Variants in ADARB2 observed in about 807,000 individuals in gnomAD.
ADARB2 encodes adenosine deaminase RNA specific B2 (inactive).
A neutral mutation model predicts 62.2 loss-of-function variants in ADARB2; 25 were observed. The observed-to-expected ratio is 0.40, with a 90% confidence interval of 0.29 to 0.56. The LOEUF (loss-of-function observed/expected upper bound fraction) is 0.56. Ranked by LOEUF, ADARB2 falls within the 20% of genes least tolerant of loss-of-function variation. The probability of loss-of-function intolerance (pLI) is 0.43; values close to 1 mark genes in which losing one functional copy is unlikely to be tolerated. For missense variants in ADARB2, 1,071 were observed against 1,077.4 expected (o/e 0.99, Z 0.08); for synonymous variants, 572 against 500.8 (o/e 1.14, Z -1.90).
intron 1 of ADARB2, among the ~76,000 whole-genome samples, chr10:1,562,453 C>T (rs2131986938): frequency 1.4e-5 from 1 of 70,604 alleles, no homozygotes; most frequent in South Asian, 6.1e-4. Flanking sequence ...TCTGAACCTG[C>T]TCCTCAAGTG....
At chr10:1,518,844 G>A (rs773917427) in intron 1 of ADARB2, among the ~76,000 whole-genome samples, 18 of 151,364 alleles carry the variant, frequency 1.2e-4, no homozygotes, top group Non-Finnish European at 1.9e-4. Context: ...TCCATGTAAC[G>A]TCTGCCTGTG....
At chr10:1,209,940 C>T (rs994280667) in intron 7 of ADARB2, among the ~76,000 whole-genome samples, 1 of 152,228 alleles carries the variant, frequency 6.6e-6, no homozygotes, top group Non-Finnish European at 1.5e-5. Flanking sequence ...AGATTTCTAT[C>T]ACACACTTTC....
At chr10:1,446,059 G>C (rs1316626109) in intron 1 of ADARB2, among the ~76,000 whole-genome samples, 1 of 34,806 alleles carries the variant, frequency 2.9e-5, no homozygotes, top group East Asian at 1.2e-3. Flanking sequence ...GACGAGGAAT[G>C]GAAGGGAGGG....
rs564322155 is a variant in ADARB2 at position 1,230,759 on chromosome 10, C to T, written c.1513+2935G>A. On this transcript the variant is annotated intron_variant, in intron 6 of 9. Transcript: ENST00000381312. Reference sequence around the variant, plus strand: ...ATAGGAGAGTTCACCAAGTACCTTCCTTCTCCACGCTCTCCAGATGGGAGA... The same window carrying T: ...ATAGGAGAGTTCACCAAGTACCTTCTTTCTCCACGCTCTCCAGATGGGAGA... 2.6e-5 allele frequency among the ~76,000 whole-genome samples: 4 copies of T among 152,306 alleles called. No individual in the cohort carries two copies. The South Asian group carries it at 8.3e-4, about 32-fold the overall frequency.
intron 7 of ADARB2, among the ~76,000 whole-genome samples, chr10:1,203,525 G>A (rs573069336): frequency 3.5e-4 from 54 of 152,326 alleles, no homozygotes; most frequent in African/African-American, 1.0e-3. Flanking sequence ...CACCCGTCCC[G>A]GCGTCTGCAG....
rs1261965962 is a variant in ADARB2 at position 1,477,276 on chromosome 10, G to A, written c.101-98116C>T. Among the ~76,000 whole-genome samples, 3 of 152,182 alleles carry A rather than the reference G, an allele frequency of 2.0e-5. No homozygotes were observed. The highest frequency in any genetic ancestry group is 6.5e-5 in the Admixed American group (1 of 15,272). ...AGTAACGTTGAGGAAGGCGCTACAG[G>A]TCGGGGAGAACAGTTGTTCTGAGAG... is the stretch of plus-strand genomic sequence containing the variant. On this transcript the variant is annotated intron_variant, in intron 1 of 9. Transcript: ENST00000381312. The surrounding 1 kb of genome is among the most constrained non-coding windows in gnomAD (Gnocchi z 4.5).
chr10:1,333,979 T>C (rs1589195621), intron 3 of ADARB2, among the ~76,000 whole-genome samples: 1 of 152,190 alleles, frequency 6.6e-6, no homozygotes, highest in East Asian at 1.9e-4. Flanking sequence ...AGCCCCATTA[T>C]AGAAATGCTT....
intron 4 of ADARB2, among the ~76,000 whole-genome samples, chr10:1,243,234 C>G (rs74554078): frequency 0.022 from 3,313 of 152,364 alleles, 51 homozygotes; most frequent in Non-Finnish European, 0.033. Context: ...GTGACAGCCA[C>G]TGGCTGGGCC....
chr10:1,485,370 G>C (rs1437592055), intron 1 of ADARB2, among the ~76,000 whole-genome samples: 2 of 152,098 alleles, frequency 1.3e-5, no homozygotes, highest in Non-Finnish European at 2.9e-5. Flanking sequence ...AGATTTGTAA[G>C]TGCACTAATA....
rs146032961 is a variant in ADARB2 at position 1,363,673 on chromosome 10, T to C, written c.432A>G (p.Thr144=). The change falls in exon 3 of 10, where the codon ACA becomes ACG. Residue 144 remains threonine (T), a synonymous_variant. Transcript: ENST00000381312. ...HELRPGLQYR[T]VSQTGPVHAP... ...CATGCACCGGGCCCGTCTGCGACAC[T>C]GTCCGGTACTGCAGGCCCGGCCTCA... The C allele has an allele frequency of 2.5e-6, 4 of 1,609,474 alleles. No individual in the cohort carries two copies. The African/African-American group carries it at 5.4e-5, about 22-fold the overall frequency.
At chr10:1,454,123 G>A (rs190837279) in intron 1 of ADARB2, among the ~76,000 whole-genome samples, 13 of 152,324 alleles carry the variant, frequency 8.5e-5, no homozygotes, top group African/African-American at 3.1e-4. Flanking sequence ...GAGGAGCAAA[G>A]TCACATCTTA....
chr10:1,662,609 A>G (rs979654107), intron 1 of ADARB2, among the ~76,000 whole-genome samples: 4 of 152,164 alleles, frequency 2.6e-5, no homozygotes, highest in Non-Finnish European at 5.9e-5. Context: ...GAGCGAGTTT[A>G]TTTCCTGTTC....
intron 6 of ADARB2, among the ~76,000 whole-genome samples, chr10:1,232,157 A>G (rs1256921271): frequency 1.3e-5 from 2 of 151,702 alleles, no homozygotes; most frequent in South Asian, 2.1e-4. Context: ...CACACACACC[A>G]CACACATAGC....
At position 1,704,977 on chromosome 10, in the gene ADARB2, GA is replaced by G. The variant is rs1340342283; in HGVS notation, c.100+32073del. Among the ~76,000 whole-genome samples, 2 of 152,128 alleles carry G rather than the reference GA, an allele frequency of 1.3e-5. No individual in the cohort carries two copies. The highest frequency in any genetic ancestry group is 2.9e-5 in the Non-Finnish European group (2 of 68,028). On this transcript the variant is annotated intron_variant, in intron 1 of 9. Transcript: ENST00000381312. This position sits in a 1 kb window ranked among gnomAD's most constrained non-coding sequence, Gnocchi z 5.6. ...CAGAGGCAATAACCCCATGAGCACAGACCCACAGGCAAAGCCCTGGGAGAAG... is the reference window on the plus strand; with the variant it reads ...CAGAGGCAATAACCCCATGAGCACAGCCCACAGGCAAAGCCCTGGGAGAAG...
At position 1,474,916 on chromosome 10, in the gene ADARB2, C is replaced by T. The variant is rs376117906; in HGVS notation, c.101-95756G>A. 1.5e-3 allele frequency among the ~76,000 whole-genome samples: 228 copies of T among 152,276 alleles called. 1 individual carries two copies. The highest frequency in any genetic ancestry group is 5.1e-3 in the African/African-American group (210 of 41,564). On this transcript the variant is annotated intron_variant, in intron 1 of 9. Transcript: ENST00000381312. Reference sequence around the variant, plus strand: ...GGGGTCACGCACCACACGGCTGGACCGAGCCCGGGGCCTCAGTGACCGAGG... The same window carrying T: ...GGGGTCACGCACCACACGGCTGGACTGAGCCCGGGGCCTCAGTGACCGAGG...
intron 1 of ADARB2, among the ~76,000 whole-genome samples, chr10:1,514,286 C>T (rs1004812546): frequency 8.0e-5 from 12 of 150,456 alleles, no homozygotes; most frequent in East Asian, 2.0e-4. Context: ...TTCAGAAGGA[C>T]GGCTCTGACG....
intron 1 of ADARB2, among the ~76,000 whole-genome samples, chr10:1,567,263 C>A (rs1376886632): frequency 6.6e-6 from 1 of 152,108 alleles, no homozygotes; most frequent in African/African-American, 2.4e-5. Context: ...ACCTGCCCGT[C>A]CACTTCAAAT....
intron 3 of ADARB2, among the ~76,000 whole-genome samples, chr10:1,333,435 T>C (rs1831946703): frequency 6.6e-6 from 1 of 152,106 alleles, no homozygotes; most frequent in Non-Finnish European, 1.5e-5. Context: ...AGATCCTGAG[T>C]TGGGCTCCCA....
intron 1 of ADARB2, among the ~76,000 whole-genome samples, chr10:1,638,916 G>A (rs913075339): frequency 6.6e-6 from 1 of 152,208 alleles, no homozygotes; most frequent in African/African-American, 2.4e-5. Context: ...AGTCACACAG[G>A]TCTTTTTCTT....
Sources: gnomAD v4.1 joint callset for allele counts (sites outside exome capture counted in the v4.1 genomes callset) on GRCh38, gnomAD v4.1.1 for gene constraint, Gnocchi (gnomAD v3.1) non-coding constraint, MANE v1.5 for transcripts, NCBI Gene and HGNC (gene_info 2026-07-23, HGNC 2026-07-21) for gene names.